The following AIG1 variants were observed in gnomAD, a reference collection of about 807,000 sequenced individuals.
The protein encoded by AIG1 is androgen-induced gene 1 protein.
Under a neutral mutation model 31.4 loss-of-function variants are expected in AIG1, and 23 were observed. That is an observed-to-expected ratio of 0.73 (90% CI 0.53 to 1.04). The LOEUF (loss-of-function observed/expected upper bound fraction) is 1.04. Among genes scored for constraint, AIG1 ranks in the 50% least tolerant of loss-of-function variants. The probability of loss-of-function intolerance (pLI) is 0.00; values close to 1 mark genes in which losing one functional copy is unlikely to be tolerated. For synonymous variants in AIG1, 100 were observed against 110.5 expected (o/e 0.90, Z 0.60); for missense variants, 274 against 295.0 (o/e 0.93, Z 0.52).
chr6:143,240,749 G>T (rs1794181823), intron 3 of AIG1, among the ~76,000 whole-genome samples: 1 of 152,070 alleles, frequency 6.6e-6, no homozygotes, highest in African/African-American at 2.4e-5. Context: ...TAAAAAACCA[G>T]ACAATATTCA....
chr6:143,207,541 CA>C (rs1562489834), intron 3 of AIG1, among the ~76,000 whole-genome samples: 17 of 152,090 alleles, frequency 1.1e-4, no homozygotes, highest in South Asian at 4.1e-4. Context: ...CACACACACA[CA>C]CACCCCTACT....
intron 3 of AIG1, among the ~76,000 whole-genome samples, chr6:143,196,803 C>T (rs1400491755): frequency 2.6e-5 from 4 of 151,988 alleles, no homozygotes; most frequent in Non-Finnish European, 5.9e-5. Context: ...CTTCTCAGTT[C>T]CTTCTCATAA....
At chr6:143,319,728 T>A (rs1776051340) in intron 4 of AIG1, among the ~76,000 whole-genome samples, 1 of 151,982 alleles carries the variant, frequency 6.6e-6, no homozygotes, top group Non-Finnish European at 1.5e-5. Context: ...ATTACCTTTT[T>A]AAAAAGAGAA....
chr6:143,072,007 G>A (rs1777334042), intron 1 of AIG1, among the ~76,000 whole-genome samples: 1 of 151,782 alleles, frequency 6.6e-6, no homozygotes, highest in African/African-American at 2.4e-5. Context: ...ACCCAGGCTG[G>A]TCTCAAACTC....
intron 1 of AIG1, among the ~76,000 whole-genome samples, chr6:143,117,063 G>A (rs554171789): frequency 6.6e-6 from 1 of 151,374 alleles, no homozygotes; most frequent in South Asian, 2.2e-4. Flanking sequence ...TTCTCAGGGT[G>A]TGCTTAAGTT....
intron 1 of AIG1, among the ~76,000 whole-genome samples, chr6:143,111,443 C>T (rs1781270155): frequency 6.6e-6 from 1 of 152,148 alleles, no homozygotes; most frequent in Admixed American, 6.5e-5. Flanking sequence ...TCCTTCCTAC[C>T]TCTCTGACTC....
chr6:143,101,581 ACGGAATC>A (rs1439538166), intron 1 of AIG1, among the ~76,000 whole-genome samples: 4 of 152,086 alleles, frequency 2.6e-5, no homozygotes, highest in African/African-American at 9.7e-5. Context: ...AACTGGGAAG[ACGGAATC>A]CAGAGTGGTT....
At chr6:143,295,499 G>A (rs1798363365) in intron 4 of AIG1, among the ~76,000 whole-genome samples, 3 of 152,088 alleles carry the variant, frequency 2.0e-5, no homozygotes, top group Admixed American at 2.0e-4. Flanking sequence ...TTGCTTGCTA[G>A]CTCCAGACAC....
chr6:143,288,235 A>C lies in AIG1; in HGVS notation c.515+4010A>C, dbSNP rs908035926. Among the ~76,000 whole-genome samples the C allele has an allele frequency of 3.4e-4, 51 of 152,128 alleles. No homozygotes were observed. The highest frequency in any genetic ancestry group is 1.2e-3 in the African/African-American group (48 of 41,412). On this transcript the variant is annotated intron_variant, in intron 4 of 5. Transcript: ENST00000357847. This position sits in a 1 kb window ranked among gnomAD's most constrained non-coding sequence, Gnocchi z 4.4. Reference sequence around the variant, plus strand: ...TGCAAGATACAGAAAGAGGAAACCAACTCAGACCCTAGGAAATGTACACCC... The same window carrying C: ...TGCAAGATACAGAAAGAGGAAACCACCTCAGACCCTAGGAAATGTACACCC...
At chr6:143,176,090 C>T (rs1036429756) in intron 3 of AIG1, among the ~76,000 whole-genome samples, 1 of 152,168 alleles carries the variant, frequency 6.6e-6, no homozygotes, top group African/African-American at 2.4e-5. Context: ...TGGATCTAGC[C>T]ACCCAGTGGA....
chr6:143,062,493 A>G (rs1776344366), intron 1 of AIG1, among the ~76,000 whole-genome samples: 1 of 152,192 alleles, frequency 6.6e-6, no homozygotes, highest in South Asian at 2.1e-4. Flanking sequence ...CAGAAGATAG[A>G]TGGTTGTCAC....
chr6:143,283,580 T>C (rs1256325594), intron 3 of AIG1, among the ~76,000 whole-genome samples: 1 of 152,230 alleles, frequency 6.6e-6, no homozygotes, highest in Non-Finnish European at 1.5e-5. Flanking sequence ...GAACAAGAAT[T>C]GGTTAAATAA....
Position 143,292,487 on chromosome 6 carries a change from G to A in AIG1, c.515+8262G>A, listed in dbSNP as rs993425213. Among the ~76,000 whole-genome samples, 9 of 152,204 alleles carry A rather than the reference G, an allele frequency of 5.9e-5. No homozygotes were observed. Among genetic ancestry groups the A allele is most frequent in the Admixed American group, 3.3e-4 (5 of 15,294 alleles). On this transcript the variant is annotated intron_variant, in intron 4 of 5. Transcript: ENST00000357847. The surrounding 1 kb of genome is among the most constrained non-coding windows in gnomAD (Gnocchi z 4.9). ...GGAAGGGGCTGTGAGCACGGAACAA[G>A]GGCCCCCTCTAGAAGCCGAAAAAGG...
chr6:143,143,490 G>C (rs1784405530), intron 2 of AIG1, among the ~76,000 whole-genome samples: 1 of 84,578 alleles, frequency 1.2e-5, no homozygotes, highest in Non-Finnish European at 2.0e-5. Context: ...GACAGAGCGA[G>C]ACTTCATCTC....
chr6:143,149,187 G>A (rs1358219811), intron 2 of AIG1, among the ~76,000 whole-genome samples: 2 of 152,054 alleles, frequency 1.3e-5, no homozygotes, highest in South Asian at 2.1e-4. Flanking sequence ...CTATGTACAT[G>A]AGGCCTGAGC....
In AIG1 at chr6:143,293,259, C is replaced by T. The variant is rs185237335; in HGVS notation, c.515+9034C>T. Reference sequence around the variant, plus strand: ...TTCATTTTATCCTCTGTTCTTCATACGGGCTTTGGTCCTACTTTACAGCAT... The same window carrying T: ...TTCATTTTATCCTCTGTTCTTCATATGGGCTTTGGTCCTACTTTACAGCAT... On this transcript the variant is annotated intron_variant, in intron 4 of 5. Coordinates refer to ENST00000357847, the MANE Select transcript of AIG1 (RefSeq NM_016108.4). This position sits in a 1 kb window ranked among gnomAD's most constrained non-coding sequence, Gnocchi z 4.8. 1.1e-4 allele frequency among the ~76,000 whole-genome samples: 16 copies of T among 152,252 alleles called. No individual in the cohort carries two copies. In the East Asian group the frequency reaches 2.3e-3, roughly 22 times the overall value.
At chr6:143,059,241 G>T (rs550118839), upstream of AIG1, among the ~76,000 whole-genome samples, 12 of 152,318 alleles carry the variant, frequency 7.9e-5, no homozygotes, top group African/African-American at 2.6e-4. Context: ...CTTTCATGCT[G>T]TGGAAGCTTT....
intron 1 of AIG1, among the ~76,000 whole-genome samples, chr6:143,122,672 T>C (rs1583246445): frequency 6.6e-6 from 1 of 152,204 alleles, no homozygotes; most frequent in African/African-American, 2.4e-5. Context: ...TACATGAGAT[T>C]AGTTCTTCAT....
intron 3 of AIG1, among the ~76,000 whole-genome samples, chr6:143,277,904 C>G (rs1292333379): frequency 6.6e-6 from 1 of 152,194 alleles, no homozygotes; most frequent in Non-Finnish European, 1.5e-5. Context: ...GATTATAACT[C>G]TCAATTCTAG....
Sources: allele counts gnomAD v4.1 joint callset (sites outside exome capture counted in the v4.1 genomes callset), GRCh38; gene constraint gnomAD v4.1.1; non-coding constraint Gnocchi (gnomAD v3.1); transcripts MANE v1.5; gene names NCBI Gene and HGNC (gene_info 2026-07-23, HGNC 2026-07-21).